Variants in KIAA0753 observed in about 807,000 individuals in gnomAD.
KIAA0753 encodes the protein KIAA0753, also known as protein moonraker.
In KIAA0753, 114 loss-of-function variants were observed where a neutral mutation model predicts 116.9. The observed-to-expected ratio is 0.98, with a 90% CI of 0.84 to 1.14. KIAA0753 has a LOEUF of 1.14. Among genes scored for constraint, KIAA0753 ranks in the 50% most tolerant of loss-of-function variants. The pLI, the probability that KIAA0753 is intolerant of heterozygous loss-of-function variation, is 0.00. For missense variants in KIAA0753, 1,156 were observed against 1,172.4 expected (o/e 0.99, Z 0.20); for synonymous variants, 405 against 413.1 (o/e 0.98, Z 0.24).
Position 6,587,584 on chromosome 17 carries a change from C to T in KIAA0753, c.2786+2195G>A, listed in dbSNP as rs1020633447. Among the ~76,000 whole-genome samples, 7 of 152,264 alleles carry T rather than the reference C, an allele frequency of 4.6e-5. No homozygotes were observed. The South Asian group carries it at 6.2e-4, about 14-fold the overall frequency. On this transcript the variant is annotated intron_variant, in intron 18 of 18. Transcript: ENST00000361413. ...AAAATGAGTACATATGCTACAGGAG[C>T]GCGTGTTAACAAAAGGAAGCAAGTC...
rs1477275125 is a variant in KIAA0753 at position 6,639,430 on chromosome 17, C to G, written c.-69+1207G>C. 6.6e-6 allele frequency: 1 copy of G among 152,408 alleles called. No individual in the cohort carries two copies. The highest frequency in any genetic ancestry group is 1.5e-5 in the Non-Finnish European group (1 of 68,306). The allele number at this position is 152,408 out of a possible 1,614,324, so 9.4% of individuals were successfully genotyped here. ...ACAAGGGCCTGAGACAAACCCATAG[C>G]CTATCTCCTCCCCAGTCTCAGGAAC... On this transcript the variant is annotated intron_variant, in intron 1 of 18. Transcript: ENST00000361413. The surrounding 1 kb of genome is among the most constrained non-coding windows in gnomAD (Gnocchi z 4.3).
At chr17:6,596,129 C>T (rs758671586) in intron 15 of KIAA0753, 29 bp downstream of exon 15, 39 of 1,602,488 alleles carry the variant, frequency 2.4e-5, no homozygotes, top group East Asian at 8.9e-5. Context: ...CCCCTAGCAG[C>T]GAACCAGACC....
At chr17:6,619,385 A>T (rs1455477440) in intron 7 of KIAA0753, among the ~76,000 whole-genome samples, 2 of 152,088 alleles carry the variant, frequency 1.3e-5, no homozygotes, top group African/African-American at 4.8e-5. Flanking sequence ...TAATTAATTC[A>T]GCTATAAATC....
rs778004539 is a variant in KIAA0753 at position 6,623,002 on chromosome 17, T to G, written c.984A>C (p.Pro328=). ...VTQFTDRGEH[P]LPARCKELGS... ...CCAGTTCCTTACACCGAGCAGGAAG[T>G]GGATGCTCCCCTCGGTCAGTAAACT... Residue 328 remains proline (P), a synonymous_variant, in exon 6 of 19, where the codon CCA becomes CCC. Coordinates refer to ENST00000361413, the MANE Select transcript of KIAA0753 (RefSeq NM_014804.3). 6.2e-7 allele frequency: 1 copy of G among 1,614,166 alleles called. No homozygotes were observed. The highest frequency in any genetic ancestry group is 1.3e-5 in the African/African-American group (1 of 75,038).
At chr17:6,591,082 A>G (rs1969023091) in intron 16 of KIAA0753, among the ~76,000 whole-genome samples, 1 of 144,054 alleles carries the variant, frequency 6.9e-6, no homozygotes, top group Non-Finnish European at 1.6e-5. Flanking sequence ...AAGAAGAAGA[A>G]GAAGAAGAAG....
intron 1 of KIAA0753, chr17:6,637,025 A>G (rs1198680666): frequency 6.6e-6 from 1 of 152,352 alleles, no homozygotes; most frequent in Non-Finnish European, 1.5e-5. Flanking sequence ...GGACAGCTCC[A>G]TAACCTGGCC....
chr17:6,611,157 T>G (rs544554784), intron 8 of KIAA0753, among the ~76,000 whole-genome samples: 46 of 152,350 alleles, frequency 3.0e-4, no homozygotes, highest in Middle Eastern at 3.4e-3. Flanking sequence ...AAGTAAGTTT[T>G]AAACAGAAGC....
rs1223501749 is a variant in KIAA0753, at chr17:6,624,852, T to C, written c.728A>G (p.Glu243Gly). 2.6e-6 allele frequency: 4 copies of C among 1,553,116 alleles called. No individual in the cohort carries two copies. The South Asian group carries it at 4.7e-5, about 18-fold the overall frequency. ...IEEVTKKDRLEEALDPDEERR... is the reference protein window; with the variant it reads ...IEEVTKKDRLGEALDPDEERR... ...TTCTTCATCTGGATCCAAAGCTTCT[T>C]CTAGTCTATCTGAAAATATTAATAG... is the stretch of plus-strand genomic sequence containing the variant. Residue 243 changes from glutamate to glycine, a missense_variant, in exon 4 of 19, where the codon GAA becomes GGA. Glu to Gly is a moderately conservative substitution (Grantham distance 98). Coordinates refer to ENST00000361413, the MANE Select transcript of KIAA0753 (RefSeq NM_014804.3).
Position 6,606,940 on chromosome 17 carries a change from T to G in KIAA0753, c.1942A>C (p.Thr648Pro), listed in dbSNP as rs1970234666. 2 of 1,614,096 alleles carry G rather than the reference T, an allele frequency of 1.2e-6. No individual in the cohort carries two copies. The highest frequency in any genetic ancestry group is 2.7e-5 in the African/African-American group (2 of 75,042). ...TTCAGTTCCTTTGTTCTTCTAGAAG[T>G]TTCAGCATCAAGCCAATCAAGCCTA... ...KQRLDWLDAE[T>P]SRRTKELNEL... Residue 648 changes from threonine to proline, a missense_variant, in exon 12 of 19, where the codon ACT becomes CCT. By Grantham distance (38) the Thr-to-Pro change is conservative (BLOSUM62 -1). Coordinates refer to ENST00000361413, the MANE Select transcript of KIAA0753 (RefSeq NM_014804.3).
At chr17:6,611,102 G>A (rs1194261730) in intron 8 of KIAA0753, among the ~76,000 whole-genome samples, 3 of 152,294 alleles carry the variant, frequency 2.0e-5, no homozygotes, top group East Asian at 3.9e-4. Context: ...AAGGGTATTC[G>A]ACCAGGAGGT....
At chr17:6,606,735 T>C (rs1970218786) in intron 12 of KIAA0753, 138 bp downstream of exon 12, 1 of 638,792 alleles carries the variant, frequency 1.6e-6, no homozygotes, top group Non-Finnish European at 2.8e-6. Context: ...TATGGTATAA[T>C]ATACAGGTAG....
intron 13 of KIAA0753, among the ~76,000 whole-genome samples, 164 bp downstream of exon 13, chr17:6,600,216 T>C (rs950403657): frequency 6.6e-6 from 1 of 152,198 alleles, no homozygotes; most frequent in African/African-American, 2.4e-5. Flanking sequence ...CTATCCCTTT[T>C]CCACAATGGA....
intron 12 of KIAA0753, among the ~76,000 whole-genome samples, chr17:6,602,400 G>C (rs1478505517): frequency 1.3e-5 from 2 of 152,220 alleles, no homozygotes; most frequent in African/African-American, 2.4e-5. Flanking sequence ...CAAACAGAAT[G>C]TGGTATATTC....
intron 15 of KIAA0753, among the ~76,000 whole-genome samples, chr17:6,595,270 C>T (rs1185533886): frequency 6.6e-6 from 1 of 152,198 alleles, no homozygotes; most frequent in Admixed American, 6.5e-5. Flanking sequence ...GCACTGGCCA[C>T]TAGAAGCTGC....
chr17:6,632,982 T>C (rs908648721), intron 2 of KIAA0753, among the ~76,000 whole-genome samples: 2 of 152,138 alleles, frequency 1.3e-5, no homozygotes, highest in East Asian at 1.9e-4. Context: ...AAGGACACTA[T>C]TGGGACAACT....
chr17:6,635,375 A>AC (rs1972262082), intron 1 of KIAA0753: 6 of 239,934 alleles, frequency 2.5e-5, no homozygotes, highest in Admixed American at 1.2e-4. Context: ...AATTTCAAAA[A>AC]CAAAAAAAAA....
At chr17:6,599,450 G>A (rs534272414) in intron 13 of KIAA0753, 130 bp from the exon 14 acceptor site, 6 of 627,666 alleles carry the variant, frequency 9.6e-6, no homozygotes, top group African/African-American at 7.3e-5. Context: ...GCTTTTTGCA[G>A]CAATTCAAAG....
chr17:6,620,421 C>T (rs12603117), intron 7 of KIAA0753, among the ~76,000 whole-genome samples: 3 of 148,288 alleles, frequency 2.0e-5, no homozygotes, highest in African/African-American at 5.0e-5. Flanking sequence ...AAAAAAAATA[C>T]ATATATATAT....
rs769068383 is a variant in KIAA0753, at chr17:6,596,177, C to T, written c.2339G>A (p.Arg780His). The T allele has an allele frequency of 2.5e-5, 41 of 1,613,738 alleles. 1 individual carries two copies. The highest frequency in any genetic ancestry group is 6.6e-5 in the South Asian group (6 of 91,068). Residue 780 changes from arginine (R) to histidine (H), a missense_variant, in exon 15 of 19, where the codon CGC (arginine) becomes CAC (histidine). Physicochemically the swap from Arg to His is conservative, Grantham distance 29. Coordinates refer to ENST00000361413, the MANE Select transcript of KIAA0753 (RefSeq NM_014804.3). Reference sequence around the variant, plus strand: ...CCTTACTTCCATCTCTTCCATTCGGCGCATCATGATCTCCAGATCTGGGCT... The same window carrying T: ...CCTTACTTCCATCTCTTCCATTCGGTGCATCATGATCTCCAGATCTGGGCT... ...KDSPDLEIMM[R>H]RMEEMEKYQE...
Sources: gnomAD v4.1 joint callset for allele counts (sites outside exome capture counted in the v4.1 genomes callset) on GRCh38, gnomAD v4.1.1 for gene constraint, Gnocchi (gnomAD v3.1) non-coding constraint, MANE v1.5 for transcripts, NCBI Gene and HGNC (gene_info 2026-07-23, HGNC 2026-07-21) for gene names.